HMGA2: variants seen among roughly 807,000 people sequenced by gnomAD.
HMGA2 encodes the protein high mobility group AT-hook 2, also known as high mobility group protein HMGI-C.
In HMGA2, 8 loss-of-function variants were observed where a neutral mutation model predicts 19.1. The observed-to-expected ratio is 0.42, with a 90% CI of 0.25 to 0.76. The LOEUF (loss-of-function observed/expected upper bound fraction) is 0.76, where lower values mean the gene tolerates loss of function less well. Ranked by LOEUF, HMGA2 falls within the 30% of genes least tolerant of loss-of-function variation. The pLI, the probability that HMGA2 is intolerant of heterozygous loss-of-function variation, is 0.28. For synonymous variants in HMGA2, 60 were observed against 48.8 expected, an observed-to-expected ratio of 1.23 and a Z score of -0.96; for missense variants, 109 against 136.3, an observed-to-expected ratio of 0.80 and a Z score of 1.00.
At chr12:65,864,778 T>A (rs1040112276) in intron 3 of HMGA2, among the ~76,000 whole-genome samples, 1 of 152,200 alleles carries the variant, frequency 6.6e-6, no homozygotes, top group Non-Finnish European at 1.5e-5. Context: ...GTCAGTGGCC[T>A]ACATTTTTTA....
intron 3 of HMGA2, among the ~76,000 whole-genome samples, chr12:65,874,378 T>C (rs1872866818): frequency 2.6e-5 from 4 of 152,068 alleles, no homozygotes; most frequent in Admixed American, 1.3e-4. Context: ...AAAATATATA[T>C]AAAAACCTTT....
intron 3 of HMGA2, among the ~76,000 whole-genome samples, chr12:65,933,975 C>T (rs1352193586): frequency 6.6e-6 from 1 of 152,166 alleles, no homozygotes; most frequent in Non-Finnish European, 1.5e-5. Context: ...GAAAAAGCCA[C>T]AGAACTCTTC....
chr12:65,927,104 C>G (rs1018237263), intron 3 of HMGA2, among the ~76,000 whole-genome samples: 1 of 152,172 alleles, frequency 6.6e-6, no homozygotes, highest in African/African-American at 2.4e-5. Flanking sequence ...TTTTATCACT[C>G]ATTTTAAACG....
chr12:65,887,048 C>T (rs975032700), intron 3 of HMGA2, among the ~76,000 whole-genome samples: 3 of 152,114 alleles, frequency 2.0e-5, no homozygotes, highest in African/African-American at 7.2e-5. Flanking sequence ...TATAGAAAGC[C>T]AATTACCTAA....
intron 3 of HMGA2, among the ~76,000 whole-genome samples, chr12:65,903,584 T>C (rs1251094207): frequency 6.6e-6 from 1 of 152,158 alleles, no homozygotes; most frequent in African/African-American, 2.4e-5. Context: ...CAGGAGCCAC[T>C]GTGAGAAGGA....
At chr12:65,962,146 T>C (rs1449771779) in intron 4 of HMGA2, among the ~76,000 whole-genome samples, 1 of 152,232 alleles carries the variant, frequency 6.6e-6, no homozygotes, top group African/African-American at 2.4e-5. Flanking sequence ...TTCCCCCAGA[T>C]CTTTTTCACA....
chr12:65,896,656 T>TCAATGGC (rs1874144221), intron 3 of HMGA2, among the ~76,000 whole-genome samples: 1 of 152,266 alleles, frequency 6.6e-6, no homozygotes, highest in African/African-American at 2.4e-5. Flanking sequence ...TACTCGTAAG[T>TCAATGGC]CAATGGCCAA....
At chr12:65,901,017 T>C (rs183575368) in intron 3 of HMGA2, among the ~76,000 whole-genome samples, 2 of 152,356 alleles carry the variant, frequency 1.3e-5, no homozygotes, top group Admixed American at 1.3e-4. Context: ...GTTGTATCTA[T>C]GTGGAGAAAT....
chr12:65,915,211 G>A (rs775801141), intron 3 of HMGA2: 23 of 1,602,260 alleles, frequency 1.4e-5, no homozygotes, highest in East Asian at 4.5e-5. Context: ...TGAGCCTTAT[G>A]TGTGGCTTTC....
chr12:65,949,002 G>C (rs886091193), intron 3 of HMGA2, among the ~76,000 whole-genome samples: 1 of 152,152 alleles, frequency 6.6e-6, no homozygotes, highest in Non-Finnish European at 1.5e-5. Flanking sequence ...CATGTGTACA[G>C]GTGTAATCAA....
At chr12:65,934,804 C>G (rs2121277158) in intron 3 of HMGA2, 1 of 152,368 alleles carries the variant, frequency 6.6e-6, no homozygotes, top group African/African-American at 2.4e-5. Context: ...CCTGAAGACC[C>G]TGCATGAGTG....
chr12:65,962,758 G>C (rs1213205316), intron 4 of HMGA2, among the ~76,000 whole-genome samples: 1 of 152,140 alleles, frequency 6.6e-6, no homozygotes, highest in Non-Finnish European at 1.5e-5. Context: ...TTAACAGAAG[G>C]TGCCTAAGCA....
intron 4 of HMGA2, chr12:65,956,134 C>A (rs919466460): frequency 6.6e-6 from 1 of 152,164 alleles, no homozygotes; most frequent in South Asian, 2.1e-4. Context: ...ATCAGACTTA[C>A]AAATACTCAC....
chr12:65,882,415 C>T (rs1204461750), intron 3 of HMGA2, among the ~76,000 whole-genome samples: 1 of 152,198 alleles, frequency 6.6e-6, no homozygotes, highest in African/African-American at 2.4e-5. Context: ...GCAGCCCGCC[C>T]GCCCTGGGAA....
chr12:65,841,854 T>C (rs1030462233), intron 3 of HMGA2, among the ~76,000 whole-genome samples: 3 of 152,170 alleles, frequency 2.0e-5, no homozygotes, highest in African/African-American at 4.8e-5. Flanking sequence ...GGGATCCATA[T>C]GGGTAGGTGT....
chr12:65,855,281 C>T (rs1486791095), intron 3 of HMGA2, among the ~76,000 whole-genome samples: 1 of 152,114 alleles, frequency 6.6e-6, no homozygotes, highest in African/African-American at 2.4e-5. Flanking sequence ...GGCTATCTGG[C>T]CCAGTCTCTA....
intron 3 of HMGA2, chr12:65,842,010 C>T (rs1196435066): frequency 2.7e-6 from 3 of 1,124,018 alleles, no homozygotes; most frequent in African/African-American, 1.7e-5. Context: ...TTTTTATCCC[C>T]CTAGTTTGAA....
intron 3 of HMGA2, among the ~76,000 whole-genome samples, chr12:65,949,067 A>G (rs1451795604): frequency 6.6e-6 from 1 of 152,142 alleles, no homozygotes; most frequent in Admixed American, 6.6e-5. Flanking sequence ...ACCCTTTGGA[A>G]ATGAATCCTC....
At chr12:65,840,960 T>C (rs971146432) in intron 3 of HMGA2, among the ~76,000 whole-genome samples, 1 of 152,130 alleles carries the variant, frequency 6.6e-6, no homozygotes, top group Non-Finnish European at 1.5e-5. Context: ...CTCCATAGGT[T>C]AGAGTCCTGT....
Sources: gnomAD v4.1 joint callset for allele counts (sites outside exome capture counted in the v4.1 genomes callset) on GRCh38, gnomAD v4.1.1 for gene constraint, MANE v1.5 for transcripts, NCBI Gene and HGNC (gene_info 2026-07-23, HGNC 2026-07-21) for gene names.